LUZP1: variants seen among roughly 807,000 people sequenced by gnomAD.
The protein encoded by LUZP1 is leucine zipper protein 1, also known as filamin mechanobinding actin cross-linking protein.
In LUZP1, 25 loss-of-function variants were observed where a neutral mutation model predicts 71.3. That is an observed-to-expected ratio of 0.35 (90% confidence interval 0.26 to 0.49). The LOEUF (loss-of-function observed/expected upper bound fraction) is 0.49, where lower values mean the gene tolerates loss of function less well. Ranked by LOEUF, LUZP1 falls within the 20% of genes least tolerant of loss-of-function variation. The probability of loss-of-function intolerance (pLI) is 0.99; values close to 1 mark genes in which losing one functional copy is unlikely to be tolerated. For synonymous variants in LUZP1, 481 were observed against 506.4 expected, an observed-to-expected ratio of 0.95 and a Z score of 0.67; for missense variants, 1,142 against 1,300.8, an observed-to-expected ratio of 0.88 and a Z score of 1.88.
intron 3 of LUZP1, among the ~76,000 whole-genome samples, chr1:23,102,831 A>G (rs1431702292): frequency 6.6e-6 from 1 of 152,178 alleles, no homozygotes; most frequent in Non-Finnish European, 1.5e-5. Flanking sequence ...AAAGCAAAAG[A>G]CAGTGGGCCT....
intron 2 of LUZP1, among the ~76,000 whole-genome samples, chr1:23,115,684 G>A (rs1365094265): frequency 2.0e-5 from 3 of 152,112 alleles, no homozygotes; most frequent in Non-Finnish European, 4.4e-5. Context: ...GGGATTACCG[G>A]TGCATGCCAC....
At chr1:23,139,299 T>C (rs1323373003) in intron 2 of LUZP1, among the ~76,000 whole-genome samples, 1 of 151,958 alleles carries the variant, frequency 6.6e-6, no homozygotes, top group Non-Finnish European at 1.5e-5. Context: ...GATCTTATGA[T>C]ATTCAGTTTA....
At chr1:23,103,094 G>A (rs1312825516) in intron 3 of LUZP1, among the ~76,000 whole-genome samples, 1 of 136,782 alleles carries the variant, frequency 7.3e-6, no homozygotes, top group African/African-American at 2.7e-5. Flanking sequence ...ACCATGCCTG[G>A]CTAATTTTTC....
At chr1:23,164,937 A>T (rs1344586239) in intron 2 of LUZP1, among the ~76,000 whole-genome samples, 1 of 152,216 alleles carries the variant, frequency 6.6e-6, no homozygotes, top group African/African-American at 2.4e-5. Flanking sequence ...GAAAAAAAAT[A>T]AAAAGTTCAA....
intron 1 of LUZP1, among the ~76,000 whole-genome samples, chr1:23,172,511 A>AT (rs1347637249): frequency 6.7e-6 from 1 of 149,366 alleles, no homozygotes; most frequent in Non-Finnish European, 1.5e-5. Flanking sequence ...AAAAATTTTT[A>AT]TTTTTTTATT....
At chr1:23,147,612 C>CAAA (rs774893320) in intron 2 of LUZP1, among the ~76,000 whole-genome samples, 989 of 60,930 alleles carry the variant, frequency 0.016, 10 homozygotes, top group East Asian at 0.024. Context: ...AGTCTCTACC[C>CAAA]AAAAAAAAAA....
chr1:23,092,017 C>T (rs1643862874), exon 4 of LUZP1: 1 of 1,614,126 alleles, frequency 6.2e-7, no homozygotes. Context: ...GACCGCAACG[C>T]CTCTCTGGGG....
intron 2 of LUZP1, among the ~76,000 whole-genome samples, chr1:23,127,810 AC>A (rs569437636): frequency 8.2e-4 from 124 of 151,714 alleles, no homozygotes; most frequent in South Asian, 1.7e-3. Context: ...GGCGTGAGCC[AC>A]CGCACCAGGC....
In LUZP1 at chr1:23,093,158, T is replaced by C. The variant is rs1643873427; in HGVS notation, c.1104A>G (p.Lys368=). The C allele has an allele frequency of 1.2e-6, 2 of 1,614,028 alleles. No homozygotes were observed. The highest frequency in any genetic ancestry group is 1.7e-6 in the Non-Finnish European group (2 of 1,180,022). Residue 368 remains lysine (K), a synonymous_variant, in exon 4 of 5, where the codon AAA becomes AAG. Coordinates refer to ENST00000302291, the Ensembl canonical transcript of LUZP1. This position sits in a 1 kb window ranked among gnomAD's most constrained non-coding sequence, Gnocchi z 4.2. ...TAAACTTAGTCCTCTCATGTCTGCC[T>C]TTGCTGGACAGGAAAGCATCTTCCC...
At chr1:23,163,992 TAC>T (rs1644490050) in intron 2 of LUZP1, 1 of 152,150 alleles carries the variant, frequency 6.6e-6, no homozygotes, top group African/African-American at 2.4e-5. Flanking sequence ...ACTGGAATAA[TAC>T]AGAGAAGATT....
chr1:23,096,090 AT>A (rs1259813391), intron 3 of LUZP1, among the ~76,000 whole-genome samples: 2 of 151,774 alleles, frequency 1.3e-5, no homozygotes, highest in African/African-American at 4.9e-5. Context: ...AGACCATACA[AT>A]AAGTACATTC....
At chr1:23,167,777 G>T (rs1196323318) in intron 2 of LUZP1, among the ~76,000 whole-genome samples, 2 of 152,040 alleles carry the variant, frequency 1.3e-5, no homozygotes, top group Non-Finnish European at 2.9e-5. Flanking sequence ...CGGCCGCTGC[G>T]GGTCGCCAGG....
intron 2 of LUZP1, among the ~76,000 whole-genome samples, chr1:23,111,902 C>CT (rs981919607): frequency 3.9e-5 from 6 of 152,232 alleles, no homozygotes; most frequent in African/African-American, 1.2e-4. Context: ...TAAATCTGGT[C>CT]TATCTCCCCT....
intron 2 of LUZP1, among the ~76,000 whole-genome samples, chr1:23,162,023 CAAAAAAAAAA>C (rs377371342): frequency 5.0e-5 from 3 of 59,514 alleles, no homozygotes; most frequent in African/African-American, 1.2e-4. Flanking sequence ...GAGACTGTCT[CAAAAAAAAAA>C]AAAAAAAAAA....
At chr1:23,105,341 ACTGTTAAAT>A (rs1343517802) in intron 3 of LUZP1, among the ~76,000 whole-genome samples, 1 of 152,186 alleles carries the variant, frequency 6.6e-6, no homozygotes, top group African/African-American at 2.4e-5. Context: ...TTCCAAATAA[ACTGTTAAAT>A]CTCATTTTTA....
At chr1:23,101,057 A>G (rs1159662304) in intron 3 of LUZP1, among the ~76,000 whole-genome samples, 1 of 152,130 alleles carries the variant, frequency 6.6e-6, no homozygotes, top group African/African-American at 2.4e-5. Flanking sequence ...CTACTCTATA[A>G]ACAAACTAAC....
chr1:23,125,271 T>C (rs1208214465), intron 2 of LUZP1, among the ~76,000 whole-genome samples: 1 of 152,208 alleles, frequency 6.6e-6, no homozygotes, highest in Non-Finnish European at 1.5e-5. Context: ...TTCAAAAGTA[T>C]GCCCACTAAA....
At chr1:23,117,520 G>A (rs866525369) in intron 2 of LUZP1, among the ~76,000 whole-genome samples, 3 of 65,188 alleles carry the variant, frequency 4.6e-5, no homozygotes, top group Non-Finnish European at 8.9e-5. Context: ...GGGGGGGGGC[G>A]GGGGGGGGGA....
intron 2 of LUZP1, among the ~76,000 whole-genome samples, chr1:23,123,014 G>A (rs548192757): frequency 6.6e-5 from 10 of 152,278 alleles, no homozygotes; most frequent in African/African-American, 2.2e-4. Flanking sequence ...CAGCATGCTC[G>A]GGAAGTCAGC....
Sources: gnomAD v4.1 joint callset for allele counts (sites outside exome capture counted in the v4.1 genomes callset) on GRCh38, gnomAD v4.1.1 for gene constraint, Gnocchi (gnomAD v3.1) non-coding constraint, MANE v1.5 for transcripts, NCBI Gene and HGNC (gene_info 2026-07-23, HGNC 2026-07-21) for gene names.